MAST4: variants seen among roughly 807,000 people sequenced by gnomAD.
MAST4 encodes microtubule associated serine/threonine kinase family member 4.
MAST4 carries 89 observed loss-of-function variants against 162.7 expected under a neutral mutation model. That is an observed-to-expected ratio of 0.55 (90% CI 0.46 to 0.65). The LOEUF (loss-of-function observed/expected upper bound fraction) is 0.65, where lower values mean the gene tolerates loss of function less well. MAST4 is among the 30% of genes least tolerant of loss of function. The pLI is 0.00. For synonymous variants in MAST4, 1,479 were observed against 1,361.1 expected (o/e 1.09, Z -1.91); for missense variants, 3,153 against 3,374.0 (o/e 0.93, Z 1.62).
At chr5:66,751,832 C>T (rs1355135041) in intron 1 of MAST4, among the ~76,000 whole-genome samples, 2 of 148,666 alleles carry the variant, frequency 1.3e-5, no homozygotes, top group Admixed American at 1.3e-4. Context: ...AACTCCAAGA[C>T]ACATAATTGT....
At chr5:66,750,997 C>T (rs910327088) in intron 1 of MAST4, among the ~76,000 whole-genome samples, 11 of 152,282 alleles carry the variant, frequency 7.2e-5, no homozygotes, top group Non-Finnish European at 1.3e-4. Context: ...CCCTGACCCC[C>T]AAGCAGCCTA....
At chr5:67,116,211 T>TG (rs1766894383) in intron 12 of MAST4, among the ~76,000 whole-genome samples, 3 of 151,986 alleles carry the variant, frequency 2.0e-5, no homozygotes, top group Non-Finnish European at 4.4e-5. Context: ...TTTGTTTGTT[T>TG]TGTTTTGTTT....
At chr5:66,994,582 G>C (rs1750419019) in intron 4 of MAST4, among the ~76,000 whole-genome samples, 2 of 152,052 alleles carry the variant, frequency 1.3e-5, no homozygotes, top group Admixed American at 1.3e-4. Flanking sequence ...TGATCACCAG[G>C]AACTTTAATA....
intron 10 of MAST4, among the ~76,000 whole-genome samples, chr5:67,104,938 C>T (rs887925486): frequency 4.6e-5 from 7 of 152,160 alleles, no homozygotes; most frequent in African/African-American, 4.8e-5. Context: ...AGTTCTATAT[C>T]TGAAAAAGCT....
At chr5:66,829,044 T>C (rs978117797) in intron 3 of MAST4, among the ~76,000 whole-genome samples, 1 of 152,194 alleles carries the variant, frequency 6.6e-6, no homozygotes, top group Non-Finnish European at 1.5e-5. Context: ...GTATGACACA[T>C]CACAGGGTTC....
chr5:66,814,082 A>G (rs1277381931), intron 3 of MAST4, among the ~76,000 whole-genome samples: 9 of 152,306 alleles, frequency 5.9e-5, no homozygotes, highest in Non-Finnish European at 1.0e-4. Context: ...ATGGGCCTCC[A>G]GGGGCCACTT....
intron 2 of MAST4, among the ~76,000 whole-genome samples, chr5:66,774,795 A>G (rs1754509334): frequency 6.6e-6 from 1 of 152,226 alleles, no homozygotes. Flanking sequence ...ATATTAGCAT[A>G]CATATTCAAG....
At chr5:66,664,264 C>T (rs571052587) in intron 1 of MAST4, among the ~76,000 whole-genome samples, 6 of 151,762 alleles carry the variant, frequency 4.0e-5, no homozygotes, top group South Asian at 2.1e-4. Flanking sequence ...GGTGAAACCC[C>T]GTCTCTAATA....
At chr5:66,692,176 C>T (rs937816905) in intron 1 of MAST4, among the ~76,000 whole-genome samples, 3 of 152,184 alleles carry the variant, frequency 2.0e-5, no homozygotes, top group African/African-American at 4.8e-5. Context: ...GTCTCTCGCT[C>T]GCTTGCTCTC....
In MAST4 at chr5:67,144,729, G is replaced by A. The variant is rs774677517; in HGVS notation, c.2791G>A (p.Asp931Asn). ...NSAEEKEDSV[D>N]KTKSTTLPST... ...AGCAGAAGAGAAGGAAGACTCTGTG[G>A]ACAAAACCAAAAGCACCACCTTGCC... is the stretch of plus-strand genomic sequence containing the variant. The change falls in exon 22 of 29, where the codon GAC (aspartate) becomes AAC (asparagine). Residue 931 changes from aspartate to asparagine, a missense_variant. Coordinates refer to ENST00000403625, the MANE Select transcript of MAST4 (RefSeq NM_001164664.2). The A allele has an allele frequency of 1.5e-5, 25 of 1,613,796 alleles. 2 individuals are homozygous for A. The South Asian group carries it at 2.6e-4, about 17-fold the overall frequency.
At chr5:66,923,235 G>C (rs1335469580) in intron 4 of MAST4, among the ~76,000 whole-genome samples, 3 of 152,168 alleles carry the variant, frequency 2.0e-5, no homozygotes, top group Non-Finnish European at 4.4e-5. Context: ...AAGCCAGATG[G>C]CTTTGTAAAA....
intron 1 of MAST4, among the ~76,000 whole-genome samples, chr5:66,721,239 C>A (rs1463465363): frequency 6.6e-6 from 1 of 152,130 alleles, no homozygotes; most frequent in East Asian, 1.9e-4. Flanking sequence ...CAGTCAGATT[C>A]CTCTAGAGTT....
At chr5:66,875,013 T>C (rs948189342) in intron 3 of MAST4, among the ~76,000 whole-genome samples, 1 of 152,202 alleles carries the variant, frequency 6.6e-6, no homozygotes, top group African/African-American at 2.4e-5. Flanking sequence ...TGTTTCTGTC[T>C]GTAGCATCAA....
intron 4 of MAST4, among the ~76,000 whole-genome samples, chr5:66,930,236 C>T (rs1272849460): frequency 6.6e-6 from 1 of 152,150 alleles, no homozygotes; most frequent in African/African-American, 2.4e-5. Flanking sequence ...TATCTAATAC[C>T]ATAGATAGTG....
At chr5:66,673,685 G>A (rs1198591901) in intron 1 of MAST4, among the ~76,000 whole-genome samples, 1 of 151,980 alleles carries the variant, frequency 6.6e-6, no homozygotes, top group South Asian at 2.1e-4. Context: ...TAATAGAGAC[G>A]AGGTTTCACC....
intron 4 of MAST4, among the ~76,000 whole-genome samples, chr5:66,906,312 G>T (rs114870447): frequency 0.014 from 2,070 of 152,258 alleles, 44 homozygotes; most frequent in African/African-American, 0.047. Flanking sequence ...GAATGCCATT[G>T]GCTGAAAAAG....
intron 3 of MAST4, among the ~76,000 whole-genome samples, chr5:66,794,049 A>G (rs1322353969): frequency 6.6e-6 from 1 of 152,112 alleles, no homozygotes; most frequent in Non-Finnish European, 1.5e-5. Flanking sequence ...CTTTCTGTAC[A>G]TTTTCAGTGC....
At position 67,118,666 on chromosome 5, in the gene MAST4, T is replaced by C; in HGVS notation, c.1592-16T>C. ...AATATTTTTATTAAGCTTAACTTTTTTTTTTTCCAACTTAGAAATGGCTCA... is the reference window on the plus strand; with the variant it reads ...AATATTTTTATTAAGCTTAACTTTTCTTTTTTCCAACTTAGAAATGGCTCA... On this transcript the variant is annotated splice_polypyrimidine_tract_variant and intron_variant, in intron 12 of 28. Coordinates refer to ENST00000403625, the MANE Select transcript of MAST4 (RefSeq NM_001164664.2). 1 of 1,519,256 alleles carries C rather than the reference T, an allele frequency of 6.6e-7. No homozygotes were observed. The highest frequency in any genetic ancestry group is 8.9e-7 in the Non-Finnish European group (1 of 1,118,158). 94.1% of individuals were successfully genotyped at this position (1,519,256 alleles called of 1,614,324 possible).
chr5:66,788,598 C>A, intron 2 of MAST4, 72 bp from the exon 3 acceptor site: 2 of 1,111,690 alleles, frequency 1.8e-6, no homozygotes, highest in Non-Finnish European at 1.3e-6. Flanking sequence ...GACACCCCAC[C>A]CCCACCCCCA....
Sources: allele counts gnomAD v4.1 joint callset (sites outside exome capture counted in the v4.1 genomes callset), GRCh38; gene constraint gnomAD v4.1.1; transcripts MANE v1.5; gene names NCBI Gene and HGNC (gene_info 2026-07-23, HGNC 2026-07-21).